The following TMPRSS15 variants were observed in gnomAD, a reference collection of about 807,000 sequenced individuals.
TMPRSS15 encodes the protein transmembrane serine protease 15.
In TMPRSS15, 128 loss-of-function variants were observed where a neutral mutation model predicts 125.3. The ratio of observed to expected loss-of-function variants is 1.02; its 90% CI spans 0.89 to 1.18. The LOEUF (loss-of-function observed/expected upper bound fraction) is 1.18, where lower values mean the gene tolerates loss of function less well. Ranked by LOEUF, TMPRSS15 falls within the 50% of genes most tolerant of loss-of-function variation. The pLI, the probability that TMPRSS15 is intolerant of heterozygous loss-of-function variation, is 0.00. For synonymous variants in TMPRSS15, 446 were observed against 423.2 expected (o/e 1.05, Z -0.66); for missense variants, 1,283 against 1,212.7 (o/e 1.06, Z -0.86).
intron 13 of TMPRSS15, among the ~76,000 whole-genome samples, chr21:18,340,299 G>C (rs1355633626): frequency 6.6e-6 from 1 of 152,148 alleles, no homozygotes; most frequent in Admixed American, 6.5e-5. Context: ...CATGCTGGAT[G>C]CTTCCTGCCC....
chr21:18,442,196 T>A (rs999456369), intron 1 of TMPRSS15, among the ~76,000 whole-genome samples: 3 of 152,250 alleles, frequency 2.0e-5, no homozygotes, highest in Admixed American at 2.0e-4. Flanking sequence ...TTATTTTGAT[T>A]AATTTTATTT....
chr21:18,329,693 C>T (rs1782756642), intron 14 of TMPRSS15, among the ~76,000 whole-genome samples: 1 of 150,832 alleles, frequency 6.6e-6, no homozygotes, highest in South Asian at 2.1e-4. Context: ...AATTAAAATC[C>T]ACTTTATAGG....
chr21:18,333,313 C>G (rs952562711), intron 13 of TMPRSS15, among the ~76,000 whole-genome samples: 1 of 152,092 alleles, frequency 6.6e-6, no homozygotes, highest in Non-Finnish European at 1.5e-5. Context: ...ATTCTTATGG[C>G]CTTTGTGAAT....
intron 1 of TMPRSS15, among the ~76,000 whole-genome samples, chr21:18,441,272 A>G (rs1294960314): frequency 6.6e-6 from 1 of 150,806 alleles, no homozygotes; most frequent in Admixed American, 6.6e-5. Flanking sequence ...CAAGAGTGAA[A>G]CTCCGTCTCA....
At chr21:18,365,404 T>C (rs891234751) in intron 6 of TMPRSS15, among the ~76,000 whole-genome samples, 156 bp from the exon 7 acceptor site, 1 of 152,230 alleles carries the variant, frequency 6.6e-6, no homozygotes, top group African/African-American at 2.4e-5. Context: ...CTATTAGCCA[T>C]GTTCAAATAC....
chr21:18,413,754 G>C (rs1368642321), intron 1 of TMPRSS15, among the ~76,000 whole-genome samples: 1 of 151,876 alleles, frequency 6.6e-6, no homozygotes, highest in Non-Finnish European at 1.5e-5. Context: ...TTAGGACAGG[G>C]TCTTGCTCTG....
At chr21:18,436,526 T>C (rs1182263025) in intron 1 of TMPRSS15, among the ~76,000 whole-genome samples, 9 of 151,930 alleles carry the variant, frequency 5.9e-5, no homozygotes, top group Non-Finnish European at 1.5e-5. Context: ...GACATGATTG[T>C]ATATCTAGAA....
chr21:18,288,344 G>A (rs547869484), intron 21 of TMPRSS15, among the ~76,000 whole-genome samples: 2 of 152,144 alleles, frequency 1.3e-5, no homozygotes, highest in East Asian at 1.9e-4. Context: ...GGCGCTGTGG[G>A]AGGCGGGTGG....
At chr21:18,291,142 C>A (rs1314530864) in intron 21 of TMPRSS15, among the ~76,000 whole-genome samples, 1 of 152,178 alleles carries the variant, frequency 6.6e-6, no homozygotes, top group Non-Finnish European at 1.5e-5. Context: ...TATTGTTGTC[C>A]TGACAAGCAA....
chr21:18,450,101 GT>G (rs1254614165), intron 1 of TMPRSS15, among the ~76,000 whole-genome samples: 3 of 152,084 alleles, frequency 2.0e-5, no homozygotes, highest in East Asian at 3.9e-4. Flanking sequence ...CTCCAGGGAA[GT>G]AAATGGCCGC....
intron 16 of TMPRSS15, among the ~76,000 whole-genome samples, chr21:18,326,017 A>C (rs2146960707): frequency 6.6e-6 from 1 of 152,068 alleles, no homozygotes; most frequent in South Asian, 2.1e-4. Flanking sequence ...TAATGATGTT[A>C]ATTATTTAAT....
upstream of TMPRSS15, among the ~76,000 whole-genome samples, chr21:18,405,638 T>C (rs1277465921): frequency 2.6e-5 from 4 of 152,168 alleles, no homozygotes; most frequent in Non-Finnish European, 4.4e-5. Flanking sequence ...GCATTAATAA[T>C]AGGTTAGAAA....
intron 1 of TMPRSS15, among the ~76,000 whole-genome samples, chr21:18,423,202 G>A (rs1296141074): frequency 1.3e-5 from 2 of 152,068 alleles, no homozygotes; most frequent in Admixed American, 6.6e-5. Context: ...TCTTTCTTTA[G>A]GTCCAGATTT....
At chr21:18,431,143 A>G (rs1247800127) in intron 1 of TMPRSS15, among the ~76,000 whole-genome samples, 1 of 152,198 alleles carries the variant, frequency 6.6e-6, no homozygotes, top group Non-Finnish European at 1.5e-5. Context: ...AAAGAGAAAA[A>G]GAATTTTATA....
intron 3 of TMPRSS15, among the ~76,000 whole-genome samples, chr21:18,396,466 A>G (rs2076037023): frequency 1.3e-5 from 2 of 152,120 alleles, no homozygotes; most frequent in Admixed American, 6.5e-5. Flanking sequence ...TCATTTGGTG[A>G]GGAGTGAATA....
chr21:18,306,331 T>C (rs1476645702), intron 18 of TMPRSS15, among the ~76,000 whole-genome samples: 1 of 152,212 alleles, frequency 6.6e-6, no homozygotes, highest in Non-Finnish European at 1.5e-5. Flanking sequence ...CTAAGTTGTA[T>C]AAACAAATTC....
chr21:18,364,583 C>T (rs2147030900), intron 7 of TMPRSS15, among the ~76,000 whole-genome samples: 1 of 152,132 alleles, frequency 6.6e-6, no homozygotes. Context: ...TATCAGCAGC[C>T]TAATTATTTT....
At chr21:18,370,630 C>A (rs1385373382) in intron 6 of TMPRSS15, among the ~76,000 whole-genome samples, 1 of 152,128 alleles carries the variant, frequency 6.6e-6, no homozygotes, top group Non-Finnish European at 1.5e-5. Context: ...AAATATTCCG[C>A]AGCCTGCACT....
intron 1 of TMPRSS15, among the ~76,000 whole-genome samples, chr21:18,479,236 A>G (rs759959923): frequency 6.6e-6 from 1 of 151,956 alleles, no homozygotes. Context: ...AAGTTCCTAT[A>G]TGATTGGAAT....
Sources: allele counts gnomAD v4.1 joint callset (sites outside exome capture counted in the v4.1 genomes callset), GRCh38; gene constraint gnomAD v4.1.1; transcripts MANE v1.5; gene names NCBI Gene and HGNC (gene_info 2026-07-23, HGNC 2026-07-21).